Variants in VCL observed in about 807,000 individuals in gnomAD.
VCL encodes vinculin.
In VCL, 47 loss-of-function variants were observed where a neutral mutation model predicts 125.7. The ratio of observed to expected loss-of-function variants is 0.37; its 90% CI spans 0.30 to 0.48. The LOEUF is 0.48. VCL is among the 20% of genes least tolerant of loss of function. The pLI is 0.99. For synonymous variants in VCL, 458 were observed against 514.6 expected (o/e 0.89, Z 1.49); for missense variants, 1,069 against 1,455.5 (o/e 0.73, Z 4.32).
At chr10:74,086,266 A>G (rs555372567) in intron 8 of VCL, among the ~76,000 whole-genome samples, 2 of 152,372 alleles carry the variant, frequency 1.3e-5, no homozygotes, top group African/African-American at 2.4e-5. Context: ...AAAGATGCAT[A>G]TAAACATGCC....
chr10:74,100,816 T>C, intron 13 of VCL, 132 bp from the exon 14 acceptor site: 4 of 1,088,994 alleles, frequency 3.7e-6, no homozygotes, highest in Non-Finnish European at 5.4e-6. Context: ...TGTTGTTTTA[T>C]TAACTAGGGT....
At chr10:74,029,549 T>G (rs1193552776) in intron 1 of VCL, among the ~76,000 whole-genome samples, 1 of 152,190 alleles carries the variant, frequency 6.6e-6, no homozygotes, top group Non-Finnish European at 1.5e-5. Context: ...AGACTGAGTC[T>G]CATATTGGGT....
intron 2 of VCL, among the ~76,000 whole-genome samples, chr10:74,063,200 A>G (rs1005916927): frequency 5.3e-5 from 8 of 152,110 alleles, no homozygotes; most frequent in African/African-American, 1.9e-4. Flanking sequence ...ACCAGGCCCG[A>G]GGTTGGTTTT....
intron 2 of VCL, among the ~76,000 whole-genome samples, chr10:74,051,613 T>C (rs182496951): frequency 3.9e-5 from 6 of 152,348 alleles, no homozygotes; most frequent in Admixed American, 3.9e-4. Flanking sequence ...CCTGAACTGT[T>C]TGATTCCAAG....
At chr10:74,065,197 C>T (rs529843506) in intron 2 of VCL, among the ~76,000 whole-genome samples, 2 of 148,468 alleles carry the variant, frequency 1.3e-5, no homozygotes, top group Admixed American at 6.8e-5. Flanking sequence ...AGTGCAGTGG[C>T]GTGATCTTGG....
intron 16 of VCL, 120 bp downstream of exon 16, chr10:74,105,473 C>T (rs1840117589): frequency 4.0e-6 from 5 of 1,242,910 alleles, no homozygotes; most frequent in Middle Eastern, 2.7e-4. Context: ...ACTATAGACA[C>T]TTAGTTTGAG....
At chr10:74,025,050 A>G (rs961041319) in intron 1 of VCL, among the ~76,000 whole-genome samples, 3 of 152,144 alleles carry the variant, frequency 2.0e-5, no homozygotes, top group South Asian at 2.1e-4. Flanking sequence ...TTTTGAGACA[A>G]AGTCTTGCTC....
chr10:74,070,360 G>C (rs192902694), intron 2 of VCL, among the ~76,000 whole-genome samples: 4 of 152,262 alleles, frequency 2.6e-5, no homozygotes, highest in Non-Finnish European at 2.9e-5. Context: ...ATGTTTTCTC[G>C]TCATTTTTTG....
At chr10:74,023,259 T>G (rs1207323047) in intron 1 of VCL, among the ~76,000 whole-genome samples, 1 of 152,212 alleles carries the variant, frequency 6.6e-6, no homozygotes, top group Admixed American at 6.5e-5. Flanking sequence ...CACCAATACT[T>G]ACAATCGTGT....
At chr10:74,104,966 C>T in intron 15 of VCL, 85 bp from the exon 16 acceptor site, 1 of 1,444,082 alleles carries the variant, frequency 6.9e-7, no homozygotes, top group Non-Finnish European at 9.6e-7. Flanking sequence ...TATACTTTCT[C>T]ATGAGAAGTT....
At chr10:74,056,578 A>G (rs771643314) in intron 2 of VCL, among the ~76,000 whole-genome samples, 3 of 152,156 alleles carry the variant, frequency 2.0e-5, no homozygotes, top group African/African-American at 4.8e-5. Flanking sequence ...AACAGCATGT[A>G]TTAATATTAT....
intron 17 of VCL, 61 bp from the exon 18 acceptor site, chr10:74,108,910 A>G: frequency 1.2e-6 from 2 of 1,602,914 alleles, no homozygotes; most frequent in Non-Finnish European, 1.7e-6. Flanking sequence ...AGAAGAAAGG[A>G]AAGAATTCCA....
intron 1 of VCL, among the ~76,000 whole-genome samples, chr10:74,040,073 C>T (rs772721286): frequency 3.3e-5 from 5 of 152,146 alleles, no homozygotes; most frequent in Non-Finnish European, 7.4e-5. Flanking sequence ...TGAGTGACTC[C>T]TTCTTAGTTT....
intron 1 of VCL, among the ~76,000 whole-genome samples, chr10:74,001,802 T>C (rs1840230708): frequency 6.6e-6 from 1 of 152,126 alleles, no homozygotes; most frequent in South Asian, 2.1e-4. Context: ...TGGGAGTTAC[T>C]TTGGGAGGTT....
chr10:74,066,061 A>ATATATTTT (rs1441211975), intron 2 of VCL, among the ~76,000 whole-genome samples: 2 of 137,470 alleles, frequency 1.5e-5, no homozygotes, highest in African/African-American at 5.3e-5. Flanking sequence ...ATATATATAT[A>ATATATTTT]TTTTTTTTTT....
chr10:74,118,326 T>A lies in VCL; in HGVS notation c.*157T>A. The A allele has an allele frequency of 1.2e-6, 1 of 854,428 alleles. No homozygotes were observed. Among genetic ancestry groups the A allele is most frequent in the Non-Finnish European group, 1.9e-6 (1 of 532,564 alleles). 52.9% of individuals were successfully genotyped at this position (854,428 alleles called of 1,614,324 possible). ...GGGGCCTCTTCAAATTAGAAGACAT[T>A]TATACTCTTTTTTCATGGACACTTT... On this transcript the variant is annotated 3_prime_UTR_variant, in exon 22 of 22. Transcript: ENST00000211998.
chr10:74,074,434 A>G (rs929214285), intron 5 of VCL, among the ~76,000 whole-genome samples: 1 of 152,224 alleles, frequency 6.6e-6, no homozygotes, highest in Non-Finnish European at 1.5e-5. Flanking sequence ...GAGGGCCAGG[A>G]TGATAACTGA....
intron 1 of VCL, among the ~76,000 whole-genome samples, chr10:74,041,028 G>A (rs927971603): frequency 1.4e-4 from 22 of 152,010 alleles, no homozygotes; most frequent in African/African-American, 5.3e-4. Context: ...GACTAATTTT[G>A]TGTAGAGACA....
intron 19 of VCL, among the ~76,000 whole-genome samples, chr10:74,113,005 C>T (rs1171203972): frequency 2.6e-5 from 4 of 152,158 alleles, no homozygotes; most frequent in Non-Finnish European, 5.9e-5. Context: ...TTCTCTCCGG[C>T]CTCAATTACT....
Sources: allele counts gnomAD v4.1 joint callset (sites outside exome capture counted in the v4.1 genomes callset), GRCh38; gene constraint gnomAD v4.1.1; transcripts MANE v1.5; gene names NCBI Gene and HGNC (gene_info 2026-07-23, HGNC 2026-07-21).